The following GNAI2 variants were observed in gnomAD, a reference collection of about 807,000 sequenced individuals.
GNAI2 encodes the protein guanine nucleotide-binding protein G(i) subunit alpha-2.
Under a neutral mutation model 36.8 loss-of-function variants are expected in GNAI2, and 4 were observed. That is an observed-to-expected ratio of 0.11 (90% CI 0.05 to 0.25). The LOEUF (loss-of-function observed/expected upper bound fraction) is 0.25, where lower values mean the gene tolerates loss of function less well. GNAI2 is among the 10% of genes least tolerant of loss of function. The pLI, the probability that GNAI2 is intolerant of heterozygous loss-of-function variation, is 1.00. For synonymous variants in GNAI2, 194 were observed against 194.1 expected, an observed-to-expected ratio of 1.00 and a Z score of 0.01; for missense variants, 230 against 481.3, an observed-to-expected ratio of 0.48 and a Z score of 4.89.
At chr3:50,239,260 G>C (rs117398803) in intron 1 of GNAI2, among the ~76,000 whole-genome samples, 4 of 152,212 alleles carry the variant, frequency 2.6e-5, no homozygotes, top group Non-Finnish European at 5.9e-5. Flanking sequence ...CTCCATAAAG[G>C]CTTCAGAATG....
chr3:50,257,163 C>A, intron 7 of GNAI2, 73 bp downstream of exon 7: 1 of 1,307,464 alleles, frequency 7.6e-7, no homozygotes, highest in Non-Finnish European at 1.1e-6. Flanking sequence ...GACCAGGTGG[C>A]CCTCAGGCGC....
At chr3:50,232,116 G>A (rs1559761923), upstream of GNAI2, among the ~76,000 whole-genome samples, 1 of 151,982 alleles carries the variant, frequency 6.6e-6, no homozygotes, top group Non-Finnish European at 1.5e-5. Context: ...GATCATCTGA[G>A]GTCAGGAGTT....
chr3:50,254,195 T>C (rs1553702892), intron 4 of GNAI2, among the ~76,000 whole-genome samples: 1 of 152,134 alleles, frequency 6.6e-6, no homozygotes, highest in Non-Finnish European at 1.5e-5. Context: ...GTCATGTACT[T>C]GGACTGGTGC....
At chr3:50,256,585 T>C in intron 5 of GNAI2, 138 bp from the exon 6 acceptor site, 1 of 933,210 alleles carries the variant, frequency 1.1e-6, no homozygotes, top group South Asian at 1.5e-5. Context: ...AGGGGTGAAG[T>C]GGGCAAGTGT....
At chr3:50,246,610 C>T (rs587757829) in intron 1 of GNAI2, among the ~76,000 whole-genome samples, 2 of 152,362 alleles carry the variant, frequency 1.3e-5, no homozygotes, top group East Asian at 1.9e-4. Flanking sequence ...AGCTGGGCCG[C>T]TGCCCAAGTC....
intron 1 of GNAI2, chr3:50,251,623 C>T: frequency 7.7e-7 from 1 of 1,295,002 alleles, no homozygotes; most frequent in Non-Finnish European, 1.0e-6. Context: ...TGCTTAGGCC[C>T]CTGGTTGCTA....
intron 1 of GNAI2, chr3:50,251,446 G>A (rs1026396666): frequency 2.3e-5 from 24 of 1,050,454 alleles, no homozygotes; most frequent in Non-Finnish European, 2.7e-5. Flanking sequence ...TGTGAGATAC[G>A]CCGCAGGTCT....
intron 1 of GNAI2, among the ~76,000 whole-genome samples, chr3:50,248,133 G>A (rs1700465192): frequency 6.6e-6 from 1 of 152,248 alleles, no homozygotes; most frequent in Admixed American, 6.5e-5. Flanking sequence ...TACTGGGGAG[G>A]CTGAGGCAGG....
At chr3:50,248,354 A>T (rs1700469762) in intron 1 of GNAI2, among the ~76,000 whole-genome samples, 2 of 152,276 alleles carry the variant, frequency 1.3e-5, no homozygotes, top group South Asian at 4.1e-4. Flanking sequence ...CTTATCTGGT[A>T]GGGGGCATCC....
chr3:50,254,009 A>G (rs1700628898), intron 4 of GNAI2, among the ~76,000 whole-genome samples: 1 of 152,000 alleles, frequency 6.6e-6, no homozygotes, highest in Non-Finnish European at 1.5e-5. Flanking sequence ...GGAGGGGGCC[A>G]CAGGGGAGGA....
At chr3:50,257,797 G>C (rs587605155) in intron 8 of GNAI2, 83 bp downstream of exon 8, 34 of 605,692 alleles carry the variant, frequency 5.6e-5, no homozygotes, top group African/African-American at 5.5e-4. Flanking sequence ...GGGGTGGGTA[G>C]GGGGGTGAAC....
Position 50,242,232 on chromosome 3 carries a change from C to T in GNAI2, c.118+5779C>T, listed in dbSNP as rs587724204. Among the ~76,000 whole-genome samples the T allele has an allele frequency of 6.6e-6, 1 of 152,194 alleles. No individual in the cohort carries two copies. On this transcript the variant is annotated intron_variant, in intron 1 of 8. Coordinates refer to ENST00000313601, the MANE Select transcript of GNAI2 (RefSeq NM_002070.4). The surrounding 1 kb of genome is among the most constrained non-coding windows in gnomAD (Gnocchi z 4.8). ...CCCACAGCAGAGGAGGAGACTGTCACCCCAGAGCCTGAGTGCTGCCTCCCC... is the reference window on the plus strand; with the variant it reads ...CCCACAGCAGAGGAGGAGACTGTCATCCCAGAGCCTGAGTGCTGCCTCCCC...
chr3:50,250,514 G>C (rs782338302), intron 1 of GNAI2, among the ~76,000 whole-genome samples: 8 of 152,228 alleles, frequency 5.3e-5, no homozygotes, highest in Non-Finnish European at 8.8e-5. Context: ...CCTGGAGATA[G>C]CTAGAGGTAG....
rs1700324398 is a variant in GNAI2, at chr3:50,242,713, T to C, written c.118+6260T>C. 6.6e-6 allele frequency among the ~76,000 whole-genome samples: 1 copy of C among 152,198 alleles called. No individual in the cohort carries two copies. The highest frequency in any genetic ancestry group is 2.4e-5 in the African/African-American group (1 of 41,432). ...ACCAAACATTTGCTGGGCTGGTTCT[T>C]CTGTGCCGGCCTCTGTGCACATTTA... is the stretch of plus-strand genomic sequence containing the variant. On this transcript the variant is annotated intron_variant, in intron 1 of 8. Transcript: ENST00000313601. The surrounding 1 kb of genome is among the most constrained non-coding windows in gnomAD (Gnocchi z 4.8).
In GNAI2 at chr3:50,242,775, A is replaced by G. The variant is rs1014269778; in HGVS notation, c.118+6322A>G. Among the ~76,000 whole-genome samples the G allele has an allele frequency of 1.3e-5, 2 of 152,222 alleles. No homozygotes were observed. Among genetic ancestry groups the G allele is most frequent in the Non-Finnish European group, 2.9e-5 (2 of 68,044 alleles). On this transcript the variant is annotated intron_variant, in intron 1 of 8. Transcript: ENST00000313601. This position sits in a 1 kb window ranked among gnomAD's most constrained non-coding sequence, Gnocchi z 4.8. ...AGGCAGCACCACACCAGTCTGAGCA[A>G]AGGCCTAAAGGTGGGGTCATCTCAG...
At chr3:50,248,252 C>CA (rs1174010786) in intron 1 of GNAI2, among the ~76,000 whole-genome samples, 27 of 149,668 alleles carry the variant, frequency 1.8e-4, no homozygotes, top group East Asian at 5.8e-4. Flanking sequence ...GACTGTGTTT[C>CA]AAAAAAAAAA....
upstream of GNAI2, among the ~76,000 whole-genome samples, chr3:50,233,438 G>A (rs2109174513): frequency 6.6e-6 from 1 of 152,346 alleles, no homozygotes; most frequent in African/African-American, 2.4e-5. Flanking sequence ...GAGGCCAGAG[G>A]AGCGAGGATC....
In GNAI2 at chr3:50,256,804, C is replaced by T. The variant is rs141703681; in HGVS notation, c.675C>T (p.Cys225=). 1.7e-5 allele frequency: 27 copies of T among 1,614,050 alleles called. No individual in the cohort carries two copies. The East Asian group carries it at 2.2e-4, about 13-fold the overall frequency. ...AGGGCGTCACAGCCATCATCTTCTG[C>T]GTAGCCTTGAGCGCCTATGACTTGG... ...CFEGVTAIIF[C]VALSAYDLVL... Residue 225 remains cysteine (C), a synonymous_variant, in exon 6 of 9, where the codon TGC becomes TGT. Transcript: ENST00000313601.
upstream of GNAI2, among the ~76,000 whole-genome samples, chr3:50,233,369 G>T (rs751184059): frequency 6.6e-5 from 10 of 152,180 alleles, no homozygotes; most frequent in East Asian, 3.9e-4. Context: ...GGGCTGACAG[G>T]TTCTCCCTGT....
Sources: gnomAD v4.1 joint callset for allele counts (sites outside exome capture counted in the v4.1 genomes callset) on GRCh38, gnomAD v4.1.1 for gene constraint, Gnocchi (gnomAD v3.1) non-coding constraint, MANE v1.5 for transcripts, NCBI Gene and HGNC (gene_info 2026-07-23, HGNC 2026-07-21) for gene names.